Variants in GPC6 observed in about 807,000 individuals in gnomAD.
GPC6 encodes glypican 6, also known as glypican-6.
A neutral mutation model predicts 55.2 loss-of-function variants in GPC6; 14 were observed. That is an observed-to-expected ratio of 0.25 (90% CI 0.17 to 0.40). The LOEUF is 0.40. Ranked by LOEUF, GPC6 falls within the 10% of genes least tolerant of loss-of-function variation. The probability of loss-of-function intolerance (pLI) is 1.00; values close to 1 mark genes in which losing one functional copy is unlikely to be tolerated. For synonymous variants in GPC6, 278 were observed against 259.6 expected, an observed-to-expected ratio of 1.07 and a Z score of -0.68; for missense variants, 641 against 708.5, an observed-to-expected ratio of 0.90 and a Z score of 1.08.
chr13:94,189,894 G>A (rs866707536), intron 4 of GPC6, among the ~76,000 whole-genome samples: 4 of 152,030 alleles, frequency 2.6e-5, no homozygotes, highest in East Asian at 3.9e-4. Flanking sequence ...GGTGGCGGGC[G>A]CCTGTAGTCC....
chr13:93,775,500 A>G (rs1241257717), intron 2 of GPC6, among the ~76,000 whole-genome samples: 4 of 152,208 alleles, frequency 2.6e-5, no homozygotes, highest in African/African-American at 7.2e-5. Flanking sequence ...TGTCATTGCC[A>G]CCTTCAGGCC....
chr13:94,036,742 C>T (rs1883347967), intron 4 of GPC6, among the ~76,000 whole-genome samples: 1 of 151,900 alleles, frequency 6.6e-6, no homozygotes, highest in Non-Finnish European at 1.5e-5. Flanking sequence ...CCTACCTCAG[C>T]GCTACATTTA....
At chr13:93,632,332 G>A (rs1048443492) in intron 2 of GPC6, among the ~76,000 whole-genome samples, 3 of 152,060 alleles carry the variant, frequency 2.0e-5, no homozygotes. Context: ...AGTAGGCCAG[G>A]CACAGTGGCT....
At chr13:93,545,460 C>T (rs1289699402) in intron 2 of GPC6, 39 bp downstream of exon 2, 1 of 1,538,538 alleles carries the variant, frequency 6.5e-7, no homozygotes, top group Non-Finnish European at 9.0e-7. Flanking sequence ...GTTATAGGTG[C>T]ACTTTTCTAT....
chr13:93,227,400 C>T lies in GPC6; in HGVS notation c.-57C>T. The T allele has an allele frequency of 1.3e-6, 2 of 1,575,968 alleles. No individual in the cohort carries two copies. The highest frequency in any genetic ancestry group is 1.1e-5 in the South Asian group (1 of 89,386). The stretch of plus-strand genomic sequence containing the variant: ...TCTGGCGGGCTTTCGGCTTGAGGGG[C>T]AAGGTGAAGAGCGCACCGGCCGTGG... On this transcript the variant is annotated 5_prime_UTR_variant, in exon 1 of 9. Transcript: ENST00000377047. This position sits in a 1 kb window ranked among gnomAD's most constrained non-coding sequence, Gnocchi z 4.3.
At chr13:94,070,648 A>G (rs1057247720) in intron 4 of GPC6, among the ~76,000 whole-genome samples, 1 of 152,232 alleles carries the variant, frequency 6.6e-6, no homozygotes, top group Non-Finnish European at 1.5e-5. Context: ...TATCCTTTCT[A>G]GAGTTACTCT....
chr13:93,474,602 C>T (rs1373716703), intron 1 of GPC6, among the ~76,000 whole-genome samples: 1 of 152,058 alleles, frequency 6.6e-6, no homozygotes, highest in Non-Finnish European at 1.5e-5. Context: ...TTGAGTTCAG[C>T]CCAGGATATA....
intron 2 of GPC6, among the ~76,000 whole-genome samples, chr13:93,770,413 T>C (rs543134779): frequency 6.6e-6 from 1 of 152,272 alleles, no homozygotes; most frequent in African/African-American, 2.4e-5. Context: ...TAATCTTTGG[T>C]AAAGGAAGTT....
chr13:93,917,053 AC>A (rs1484933334), intron 3 of GPC6, among the ~76,000 whole-genome samples: 5 of 152,168 alleles, frequency 3.3e-5, no homozygotes, highest in African/African-American at 9.7e-5. Context: ...AGTTAACAAG[AC>A]ATCTCTTTCA....
intron 2 of GPC6, among the ~76,000 whole-genome samples, chr13:93,660,332 A>T (rs1355824888): frequency 6.6e-6 from 1 of 151,982 alleles, no homozygotes; most frequent in East Asian, 1.9e-4. Flanking sequence ...GGGCCTGTTG[A>T]GGTAGGTATG....
At chr13:94,153,719 T>C (rs1408454539) in intron 4 of GPC6, among the ~76,000 whole-genome samples, 1 of 152,204 alleles carries the variant, frequency 6.6e-6, no homozygotes, top group Non-Finnish European at 1.5e-5. Flanking sequence ...CCACTCAAAG[T>C]GTGGCCCACA....
intron 2 of GPC6, among the ~76,000 whole-genome samples, chr13:93,624,264 A>T (rs1476969209): frequency 1.3e-5 from 2 of 152,192 alleles, no homozygotes; most frequent in Non-Finnish European, 2.9e-5. Context: ...TGGGAGACCC[A>T]GTAACTAGCA....
At chr13:93,395,586 A>C (rs1875816302) in intron 1 of GPC6, 2 of 164,222 alleles carry the variant, frequency 1.2e-5, no homozygotes, top group African/African-American at 4.8e-5. Flanking sequence ...GCTCATTGAG[A>C]ACCTTAATAG....
chr13:93,280,897 T>G (rs1252485115), intron 1 of GPC6, among the ~76,000 whole-genome samples: 1 of 152,162 alleles, frequency 6.6e-6, no homozygotes, highest in Non-Finnish European at 1.5e-5. Context: ...GGGTTCGTGC[T>G]CCTATGAGAA....
chr13:93,246,532 G>A (rs967626559), intron 1 of GPC6, among the ~76,000 whole-genome samples: 6 of 151,898 alleles, frequency 4.0e-5, no homozygotes, highest in African/African-American at 1.4e-4. Flanking sequence ...TTTCTTAATA[G>A]ATGAGAATAA....
rs141015195 is a variant in GPC6, at chr13:93,790,218, C to G, written c.320-39936C>G. Among the ~76,000 whole-genome samples the G allele has an allele frequency of 5.3e-3, 810 of 152,166 alleles. 7 individuals carry two copies. The highest frequency in any genetic ancestry group is 0.019 in the South Asian group (93 of 4,808). On this transcript the variant is annotated intron_variant, in intron 2 of 8. Coordinates refer to ENST00000377047, the MANE Select transcript of GPC6 (RefSeq NM_005708.5). ...TCAAAGCTTGGGGCTCTTCTAAGGCCTTTCAAATAAAACAATAGGTGAGTG... is the reference window on the plus strand; with the variant it reads ...TCAAAGCTTGGGGCTCTTCTAAGGCGTTTCAAATAAAACAATAGGTGAGTG...
chr13:93,484,471 C>T (rs12856019), intron 1 of GPC6, among the ~76,000 whole-genome samples: 2 of 151,856 alleles, frequency 1.3e-5, no homozygotes, highest in Admixed American at 1.3e-4. Context: ...ATGCTGTGAA[C>T]CTCTTTTGGG....
chr13:94,376,936 A>T (rs1281198253), intron 6 of GPC6, among the ~76,000 whole-genome samples: 1 of 151,890 alleles, frequency 6.6e-6, no homozygotes, highest in African/African-American at 2.4e-5. Flanking sequence ...CCTGAGAAAA[A>T]CAAGCAATGG....
At chr13:94,145,956 A>G (rs1410770668) in intron 4 of GPC6, among the ~76,000 whole-genome samples, 1 of 152,180 alleles carries the variant, frequency 6.6e-6, no homozygotes, top group Non-Finnish European at 1.5e-5. Context: ...TCTGCAATGA[A>G]AGAAGTCTGA....
Sources: allele counts gnomAD v4.1 joint callset (sites outside exome capture counted in the v4.1 genomes callset), GRCh38; gene constraint gnomAD v4.1.1; non-coding constraint Gnocchi (gnomAD v3.1); transcripts MANE v1.5; gene names NCBI Gene and HGNC (gene_info 2026-07-23, HGNC 2026-07-21).